The following CTTNBP2 variants were observed in gnomAD, a reference collection of about 807,000 sequenced individuals.
The protein encoded by CTTNBP2 is cortactin-binding protein 2.
Under a neutral mutation model 156.9 loss-of-function variants are expected in CTTNBP2, and 108 were observed. That is an observed-to-expected ratio of 0.69 (90% CI 0.59 to 0.81). The LOEUF (loss-of-function observed/expected upper bound fraction) is 0.81, where lower values mean the gene tolerates loss of function less well. Among genes scored for constraint, CTTNBP2 ranks in the 30% least tolerant of loss-of-function variants. The probability of loss-of-function intolerance (pLI) is 0.00; values close to 1 mark genes in which losing one functional copy is unlikely to be tolerated. For synonymous variants in CTTNBP2, 767 were observed against 751.8 expected, an observed-to-expected ratio of 1.02 and a Z score of -0.33; for missense variants, 1,924 against 2,035.4, an observed-to-expected ratio of 0.95 and a Z score of 1.05.
chr7:117,717,804 G>A (rs539595271), intron 22 of CTTNBP2, among the ~76,000 whole-genome samples: 13 of 150,528 alleles, frequency 8.6e-5, no homozygotes, highest in African/African-American at 2.9e-4. Context: ...CAAATTGAAG[G>A]GAAAAAAGTA....
At chr7:117,718,544 CA>C (rs1324114110) in intron 21 of CTTNBP2, among the ~76,000 whole-genome samples, 1 of 152,108 alleles carries the variant, frequency 6.6e-6, no homozygotes, top group African/African-American at 2.4e-5. Context: ...TTGAGTGTCT[CA>C]GGGGAAGCTG....
In CTTNBP2 at chr7:117,847,260, G is replaced by A. The variant is rs138289076; in HGVS notation, c.189+13949C>T. 7.5e-3 allele frequency among the ~76,000 whole-genome samples: 1,144 copies of A among 152,312 alleles called. 16 individuals are homozygous for A. The highest frequency in any genetic ancestry group is 0.043 in the South Asian group (209 of 4,830). On this transcript the variant is annotated intron_variant, in intron 2 of 22. Transcript: ENST00000160373. ...GCAGAAATGCAGAAAACTAGGCCGG[G>A]TGTGGTAGCTCACGCCTGTAATCCC...
intron 22 of CTTNBP2, among the ~76,000 whole-genome samples, chr7:117,713,038 T>A (rs1281160280): frequency 1.3e-5 from 2 of 152,166 alleles, no homozygotes; most frequent in African/African-American, 2.4e-5. Flanking sequence ...TAGATTCTCA[T>A]AGTAGTACAA....
At chr7:117,714,496 A>C (rs533146013) in intron 22 of CTTNBP2, among the ~76,000 whole-genome samples, 2 of 152,226 alleles carry the variant, frequency 1.3e-5, no homozygotes, top group East Asian at 3.9e-4. Context: ...TAATTTTGCC[A>C]TTATTGTCAA....
chr7:117,820,848 T>C (rs1215067428), intron 2 of CTTNBP2, among the ~76,000 whole-genome samples: 1 of 152,214 alleles, frequency 6.6e-6, no homozygotes, highest in Non-Finnish European at 1.5e-5. Flanking sequence ...AATTTTAGAA[T>C]CAGTTTGTAA....
Position 117,756,069 on chromosome 7 carries a change from A to T in CTTNBP2, c.3348+486T>A, listed in dbSNP as rs536373346. Among the ~76,000 whole-genome samples the T allele has an allele frequency of 2.6e-5, 4 of 152,288 alleles. No individual in the cohort carries two copies. The South Asian group carries it at 8.3e-4, about 32-fold the overall frequency. On this transcript the variant is annotated intron_variant, in intron 12 of 22. Coordinates refer to ENST00000160373, the MANE Select transcript of CTTNBP2 (RefSeq NM_033427.3). ...CCACTTCTCCTTCCTCAGGCCTCTC[A>T]CCTGCTGGGACTTATATGTTTAAGA...
At chr7:117,803,583 G>T (rs1389395605) in intron 3 of CTTNBP2, among the ~76,000 whole-genome samples, 1 of 152,094 alleles carries the variant, frequency 6.6e-6, no homozygotes, top group Non-Finnish European at 1.5e-5. Flanking sequence ...AAAATGAAAA[G>T]AAAAGAAAGA....
intron 12 of CTTNBP2, among the ~76,000 whole-genome samples, chr7:117,755,072 C>A (rs753809224): frequency 2.0e-5 from 3 of 152,142 alleles, no homozygotes; most frequent in Non-Finnish European, 4.4e-5. Context: ...TTGATCACAC[C>A]CTTCAACCTT....
intron 9 of CTTNBP2, among the ~76,000 whole-genome samples, chr7:117,762,934 G>A (rs531163697): frequency 6.6e-6 from 1 of 152,206 alleles, no homozygotes; most frequent in African/African-American, 2.4e-5. Context: ...TGTCCAACTC[G>A]TGCTAAAGCT....
chr7:117,756,460 G>C, intron 12 of CTTNBP2, 95 bp downstream of exon 12: 2 of 904,450 alleles, frequency 2.2e-6, no homozygotes, highest in South Asian at 2.7e-5. Flanking sequence ...GGGTGGGGGG[G>C]CTTGCACTCC....
chr7:117,842,566 C>T (rs545478177), intron 2 of CTTNBP2, among the ~76,000 whole-genome samples: 1 of 151,950 alleles, frequency 6.6e-6, no homozygotes, highest in Admixed American at 6.6e-5. Context: ...GTAAAGTACT[C>T]CAGGGTCCAT....
At chr7:117,852,551 A>G (rs2117199426) in intron 2 of CTTNBP2, among the ~76,000 whole-genome samples, 1 of 152,300 alleles carries the variant, frequency 6.6e-6, no homozygotes, top group Middle Eastern at 3.4e-3. Flanking sequence ...TAATTACAGA[A>G]AAGCACAAGC....
rs767012577 is a variant in CTTNBP2 at position 117,734,968 on chromosome 7, C to G, written c.3821G>C (p.Gly1274Ala). 3.3e-5 allele frequency: 53 copies of G among 1,613,366 alleles called. No homozygotes were observed. The Admixed American group carries it at 8.7e-4, about 26-fold the overall frequency. The stretch of plus-strand genomic sequence containing the variant: ...CTGCAGCAGTCCTTGCATGGGCTCG[C>G]CATCCCACCGCAGCTGCACCCAGCG... ...HFRWVQLRWDGEPMQGLLQRF... is the reference protein window; with the variant it reads ...HFRWVQLRWDAEPMQGLLQRF... The change falls in exon 16 of 23, where the codon GGC (glycine) becomes GCC (alanine). Residue 1274 changes from glycine to alanine, a missense_variant. Coordinates refer to ENST00000160373, the MANE Select transcript of CTTNBP2 (RefSeq NM_033427.3).
intron 22 of CTTNBP2, among the ~76,000 whole-genome samples, chr7:117,717,693 CACCTGAGGATAAGGCAGA>C (rs1381395684): frequency 3.3e-5 from 5 of 150,668 alleles, no homozygotes; most frequent in African/African-American, 1.2e-4. Context: ...TTTCAGGCAT[CACCTGAGGATAAGGCAGA>C]ACTACAATAT....
chr7:117,778,671 G>A (rs542662916), intron 7 of CTTNBP2, among the ~76,000 whole-genome samples: 1 of 152,030 alleles, frequency 6.6e-6, no homozygotes. Context: ...TTTGACAAGC[G>A]TTATTCTGGG....
intron 2 of CTTNBP2, among the ~76,000 whole-genome samples, chr7:117,812,321 A>T (rs1443373596): frequency 6.6e-6 from 1 of 152,168 alleles, no homozygotes; most frequent in East Asian, 1.9e-4. Flanking sequence ...AAAAAAATTA[A>T]GTTATAATAA....
At chr7:117,742,400 G>A (rs1220966972) in intron 14 of CTTNBP2, among the ~76,000 whole-genome samples, 1 of 152,190 alleles carries the variant, frequency 6.6e-6, no homozygotes, top group Non-Finnish European at 1.5e-5. Context: ...TGTTAAAAGG[G>A]TCAGATCAGC....
intron 22 of CTTNBP2, among the ~76,000 whole-genome samples, chr7:117,717,798 T>C (rs565829543): frequency 2.0e-5 from 3 of 151,718 alleles, no homozygotes; most frequent in African/African-American, 7.3e-5. Context: ...TGGAATCAAA[T>C]TGAAGGGAAA....
chr7:117,872,878 A>G (rs12154872), intron 1 of CTTNBP2, among the ~76,000 whole-genome samples: 85,002 of 151,848 alleles, frequency 0.56, 24,240 homozygotes, highest in African/African-American at 0.61. Context: ...ACCTCCCCCA[A>G]GCTGCTCTCC....
Sources: gnomAD v4.1 joint callset for allele counts (sites outside exome capture counted in the v4.1 genomes callset) on GRCh38, gnomAD v4.1.1 for gene constraint, MANE v1.5 for transcripts, NCBI Gene and HGNC (gene_info 2026-07-23, HGNC 2026-07-21) for gene names.